Variants in ARK2N observed in about 807,000 individuals in gnomAD.
The protein encoded by ARK2N is arkadia (RNF111) N-terminal like PKA signaling regulator 2N, also known as protein ARK2N.
the ARK2N span, among the ~76,000 whole-genome samples, chr18:46,182,521 G>A: frequency 2.0e-5 from 3 of 152,062 alleles, no homozygotes; most frequent in Non-Finnish European, 4.4e-5. Context: ...AGTTGGGAGG[G>A]TAGCTTGAGC....
At chr18:46,179,320 T>A in the ARK2N span, among the ~76,000 whole-genome samples, 1 of 152,350 alleles carries the variant, frequency 6.6e-6, no homozygotes, top group African/African-American at 2.4e-5. Context: ...TCAGATTAAA[T>A]AAATCTGATA....
the ARK2N span, among the ~76,000 whole-genome samples, chr18:46,249,467 C>G: frequency 6.6e-6 from 1 of 152,026 alleles, no homozygotes; most frequent in Admixed American, 6.5e-5. Flanking sequence ...CTCCTGACCT[C>G]GTGATCCACC....
the ARK2N span, among the ~76,000 whole-genome samples, chr18:46,219,615 G>A: frequency 1.3e-5 from 2 of 151,854 alleles, no homozygotes; most frequent in Admixed American, 6.6e-5. Flanking sequence ...GACTACAGGC[G>A]TGTGCCACCA....
the ARK2N span, among the ~76,000 whole-genome samples, chr18:46,236,693 A>G: frequency 6.6e-6 from 1 of 152,176 alleles, no homozygotes; most frequent in Non-Finnish European, 1.5e-5. Flanking sequence ...GATGTTTTTG[A>G]AAGTCAAAAC....
At chr18:46,188,660 G>C in the ARK2N span, among the ~76,000 whole-genome samples, 1 of 152,124 alleles carries the variant, frequency 6.6e-6, no homozygotes. Context: ...ATTTTAAGTG[G>C]TTAGGGAATT....
At chr18:46,197,761 G>C in the ARK2N span, among the ~76,000 whole-genome samples, 10 of 152,178 alleles carry the variant, frequency 6.6e-5, no homozygotes, top group Non-Finnish European at 1.5e-4. Flanking sequence ...AAAGCAAGAA[G>C]TACACTGGAG....
At chr18:46,200,066 TTGTGTGTG>T in the ARK2N span, among the ~76,000 whole-genome samples, 3 of 150,086 alleles carry the variant, frequency 2.0e-5, no homozygotes, top group Admixed American at 6.6e-5. Context: ...AAATTCTTTA[TTGTGTGTG>T]TGTGTGTGTG....
chr18:46,223,761 A>G, the ARK2N span, among the ~76,000 whole-genome samples: 1 of 152,184 alleles, frequency 6.6e-6, no homozygotes, highest in African/African-American at 2.4e-5. Context: ...GGGATACAAC[A>G]GTGAAAGAAG....
chr18:46,260,025 T>G, the ARK2N span, among the ~76,000 whole-genome samples: 3 of 151,682 alleles, frequency 2.0e-5, no homozygotes, highest in South Asian at 6.3e-4. Context: ...CAGCCTATTC[T>G]GACTTTTATT....
chr18:46,201,181 T>C, the ARK2N span, among the ~76,000 whole-genome samples: 1 of 152,000 alleles, frequency 6.6e-6, no homozygotes, highest in Non-Finnish European at 1.5e-5. Context: ...TAGGATCTCC[T>C]TATATTGCCC....
chr18:46,224,481 GT>G, the ARK2N span, among the ~76,000 whole-genome samples: 2 of 152,200 alleles, frequency 1.3e-5, no homozygotes, highest in African/African-American at 4.8e-5. Flanking sequence ...GAATTTTAAA[GT>G]GAAAGGAGTT....
chr18:46,186,234 T>C, the ARK2N span, among the ~76,000 whole-genome samples: 1 of 151,700 alleles, frequency 6.6e-6, no homozygotes, highest in African/African-American at 2.4e-5. Context: ...TCTTGCTCTG[T>C]CGCCAGGCTG....
the ARK2N span, among the ~76,000 whole-genome samples, chr18:46,205,668 A>G: frequency 6.6e-6 from 1 of 152,168 alleles, no homozygotes; most frequent in Non-Finnish European, 1.5e-5. Context: ...CCTTATACCA[A>G]TGATGTCAAA....
the ARK2N span, among the ~76,000 whole-genome samples, chr18:46,243,695 G>A: frequency 6.6e-6 from 1 of 152,158 alleles, no homozygotes; most frequent in Non-Finnish European, 1.5e-5. Flanking sequence ...ATTGAACACT[G>A]TAGTGGGTGA....
chr18:46,212,970 A>G, the ARK2N span, among the ~76,000 whole-genome samples: 7 of 138,486 alleles, frequency 5.1e-5, no homozygotes, highest in Non-Finnish European at 9.5e-5. Flanking sequence ...ATTTTCTCAG[A>G]TATTTTAGCT....
At chr18:46,213,537 C>A in the ARK2N span, among the ~76,000 whole-genome samples, 1 of 152,208 alleles carries the variant, frequency 6.6e-6, no homozygotes, top group South Asian at 2.1e-4. Context: ...TTAACTGTTA[C>A]TCCCTCTGTT....
chr18:46,184,475 A>C, the ARK2N span, among the ~76,000 whole-genome samples: 6 of 151,898 alleles, frequency 4.0e-5, no homozygotes, highest in Non-Finnish European at 5.9e-5. Context: ...TCATCTCAGC[A>C]CTTTGGGAGG....
the ARK2N span, among the ~76,000 whole-genome samples, chr18:46,213,904 C>G: frequency 2.0e-5 from 3 of 152,048 alleles, no homozygotes; most frequent in Admixed American, 6.6e-5. Flanking sequence ...ACCATGTTGG[C>G]CAGACTGGTC....
the ARK2N span, among the ~76,000 whole-genome samples, chr18:46,255,758 C>CT: frequency 1.7e-4 from 25 of 149,910 alleles, no homozygotes; most frequent in East Asian, 5.9e-4. Flanking sequence ...GCCTCTTTTT[C>CT]TTTTTTTTTA....
Sources: allele counts gnomAD v4.1 joint callset (sites outside exome capture counted in the v4.1 genomes callset), GRCh38; gene constraint gnomAD v4.1.1; transcripts MANE v1.5; gene names NCBI Gene and HGNC (gene_info 2026-07-23, HGNC 2026-07-21).